The following ST6GALNAC3 variants were observed in gnomAD, a reference collection of about 807,000 sequenced individuals.
ST6GALNAC3 encodes the protein ST6 N-acetylgalactosaminide alpha-2,6-sialyltransferase 3.
ST6GALNAC3 carries 25 observed loss-of-function variants against 32.7 expected under a neutral mutation model. That is an observed-to-expected ratio of 0.76 (90% CI 0.56 to 1.07). The LOEUF (loss-of-function observed/expected upper bound fraction) is 1.07. Ranked by LOEUF, ST6GALNAC3 falls within the 50% of genes least tolerant of loss-of-function variation. The pLI is 0.00. For missense variants in ST6GALNAC3, 355 were observed against 382.4 expected, an observed-to-expected ratio of 0.93 and a Z score of 0.60; for synonymous variants, 129 against 133.1, an observed-to-expected ratio of 0.97 and a Z score of 0.21.
chr1:76,191,257 A>G (rs1170467875), intron 1 of ST6GALNAC3, among the ~76,000 whole-genome samples: 1 of 152,110 alleles, frequency 6.6e-6, no homozygotes, highest in African/African-American at 2.4e-5. Flanking sequence ...CCAGACACCA[A>G]AAGACAAATA....
intron 1 of ST6GALNAC3, among the ~76,000 whole-genome samples, chr1:76,155,120 CT>C (rs1347662194): frequency 6.6e-6 from 1 of 152,140 alleles, no homozygotes; most frequent in Admixed American, 6.5e-5. Context: ...TACAAAGTCA[CT>C]ATAAAGCTAC....
At chr1:76,348,414 T>A (rs139651754) in intron 2 of ST6GALNAC3, among the ~76,000 whole-genome samples, 1 of 152,116 alleles carries the variant, frequency 6.6e-6, no homozygotes, top group Non-Finnish European at 1.5e-5. Context: ...TGAGCAGAGG[T>A]TGGCAACCTT....
intron 1 of ST6GALNAC3, among the ~76,000 whole-genome samples, chr1:76,229,351 C>T (rs1364113476): frequency 6.6e-6 from 1 of 152,152 alleles, no homozygotes; most frequent in East Asian, 1.9e-4. Flanking sequence ...AGCCAAATAA[C>T]ACACCCCTAA....
At chr1:76,105,937 A>G (rs1469715831) in intron 1 of ST6GALNAC3, among the ~76,000 whole-genome samples, 2 of 152,204 alleles carry the variant, frequency 1.3e-5, no homozygotes, top group African/African-American at 4.8e-5. Flanking sequence ...TGGAGAAAAT[A>G]GAATTGTCAG....
chr1:76,253,256 T>A (rs899904872), intron 1 of ST6GALNAC3, among the ~76,000 whole-genome samples: 6 of 152,156 alleles, frequency 3.9e-5, no homozygotes, highest in African/African-American at 1.4e-4. Context: ...TTCTGTGTCA[T>A]TCTTCCTTCA....
chr1:76,079,675 A>G (rs746503200), intron 1 of ST6GALNAC3, among the ~76,000 whole-genome samples: 9 of 152,192 alleles, frequency 5.9e-5, no homozygotes, highest in Non-Finnish European at 8.8e-5. Context: ...AGGTAATTAG[A>G]TGAATGATGA....
chr1:76,164,018 T>A (rs1452268117), intron 1 of ST6GALNAC3, among the ~76,000 whole-genome samples: 5 of 152,178 alleles, frequency 3.3e-5, no homozygotes. Flanking sequence ...TTGGATTTGT[T>A]GAGGAGTTCC....
At chr1:76,409,762 G>GA (rs895517770) in intron 2 of ST6GALNAC3, among the ~76,000 whole-genome samples, 3 of 152,084 alleles carry the variant, frequency 2.0e-5, no homozygotes, top group Admixed American at 6.6e-5. Flanking sequence ...CTATAGAAAG[G>GA]AAAAAAATAT....
At chr1:76,569,703 C>T (rs532253008) in intron 3 of ST6GALNAC3, among the ~76,000 whole-genome samples, 1 of 152,056 alleles carries the variant, frequency 6.6e-6, no homozygotes, top group South Asian at 2.1e-4. Flanking sequence ...TTATTCTCAC[C>T]ATATATATTT....
At chr1:76,351,230 C>T (rs887157754) in intron 2 of ST6GALNAC3, among the ~76,000 whole-genome samples, 1 of 152,042 alleles carries the variant, frequency 6.6e-6, no homozygotes, top group Non-Finnish European at 1.5e-5. Context: ...TTTTGTTCAG[C>T]CTGGGAACAA....
intron 1 of ST6GALNAC3, among the ~76,000 whole-genome samples, chr1:76,086,084 GTT>G: frequency 6.6e-6 from 1 of 152,280 alleles, no homozygotes; most frequent in Non-Finnish European, 1.5e-5. Context: ...GGAAAAATCA[GTT>G]TGTGATTATT....
chr1:76,115,094 G>A (rs926854371), intron 1 of ST6GALNAC3, among the ~76,000 whole-genome samples: 50 of 152,114 alleles, frequency 3.3e-4, no homozygotes, highest in African/African-American at 1.2e-3. Flanking sequence ...GGCATGGTGT[G>A]TATTTTGTTG....
intron 3 of ST6GALNAC3, among the ~76,000 whole-genome samples, chr1:76,511,107 A>G (rs1444561721): frequency 6.6e-6 from 1 of 151,958 alleles, no homozygotes; most frequent in African/African-American, 2.4e-5. Context: ...GTAGTTCAGG[A>G]CATCAGGGTC....
intron 2 of ST6GALNAC3, among the ~76,000 whole-genome samples, chr1:76,345,415 A>T (rs1162355734): frequency 6.6e-5 from 10 of 152,122 alleles, no homozygotes; most frequent in Non-Finnish European, 1.5e-4. Flanking sequence ...ACAGGAGAAA[A>T]GAGAATGAAT....
chr1:76,435,720 A>G (rs1288378902), intron 3 of ST6GALNAC3, among the ~76,000 whole-genome samples: 1 of 152,190 alleles, frequency 6.6e-6, no homozygotes, highest in African/African-American at 2.4e-5. Flanking sequence ...ATATTTCAGC[A>G]TAACTTCAAA....
intron 1 of ST6GALNAC3, among the ~76,000 whole-genome samples, chr1:76,222,790 G>A (rs560804283): frequency 6.6e-6 from 1 of 152,068 alleles, no homozygotes; most frequent in Non-Finnish European, 1.5e-5. Flanking sequence ...GCTGACAAGG[G>A]ATATGAAAAA....
intron 3 of ST6GALNAC3, among the ~76,000 whole-genome samples, chr1:76,559,623 T>G (rs1665129976): frequency 6.6e-6 from 1 of 152,170 alleles, no homozygotes; most frequent in Non-Finnish European, 1.5e-5. Flanking sequence ...GAGTCTCCAC[T>G]GATCATCCCT....
intron 3 of ST6GALNAC3, among the ~76,000 whole-genome samples, chr1:76,623,053 T>C (rs1648744926): frequency 6.6e-6 from 1 of 151,936 alleles, no homozygotes; most frequent in African/African-American, 2.4e-5. Flanking sequence ...TCATGATAGC[T>C]GAACAGACGA....
intron 1 of ST6GALNAC3, among the ~76,000 whole-genome samples, chr1:76,269,124 C>T (rs190450813): frequency 9.8e-5 from 15 of 152,300 alleles, no homozygotes; most frequent in Admixed American, 7.8e-4. Context: ...ATTTGCAGCC[C>T]ATCTCCAGGA....
Sources: gnomAD v4.1 joint callset for allele counts (sites outside exome capture counted in the v4.1 genomes callset) on GRCh38, gnomAD v4.1.1 for gene constraint, MANE v1.5 for transcripts, NCBI Gene and HGNC (gene_info 2026-07-23, HGNC 2026-07-21) for gene names.